The following MISP3 variants were observed in gnomAD, a reference collection of about 807,000 sequenced individuals.
The protein encoded by MISP3 is uncharacterized protein MISP3.
In MISP3, 9 loss-of-function variants were observed where a neutral mutation model predicts 5.5. That is an observed-to-expected ratio of 1.65 (90% CI 0.99 to 2.87). The LOEUF is 2.87. Among genes scored for constraint, MISP3 ranks in the 30% most tolerant of loss-of-function variants. The pLI is 0.00. For synonymous variants in MISP3, 87 were observed against 38.1 expected, an observed-to-expected ratio of 2.28 and a Z score of -4.73; for missense variants, 152 against 84.1, an observed-to-expected ratio of 1.81 and a Z score of -3.16.
rs1976661833 is a variant in MISP3, at chr19:14,074,706, G to T, written c.643G>T (p.Glu215Ter). Residue 215 changes from glutamate to a stop codon, truncating the protein, a stop_gained and splice_region_variant, in exon 3 of 3, where the codon GAG (glutamate) becomes TAG (stop). Coordinates refer to ENST00000587086, the MANE Select transcript of MISP3 (RefSeq NM_001291291.2). LOFTEE classifies it high-confidence loss of function. The surrounding 1 kb of genome is among the most constrained non-coding windows in gnomAD (Gnocchi z 4.4). ...RKVSENGLEQ[E>*]ERKP Reference sequence around the variant, plus strand: ...CTTCCTTCTGGTCCTCTGTCCCCAGGAGGAGCGCAAACCTTGAGGTTTGAA... The same window carrying T: ...CTTCCTTCTGGTCCTCTGTCCCCAGTAGGAGCGCAAACCTTGAGGTTTGAA... 1.4e-6 allele frequency: 1 copy of T among 702,486 alleles called. No individual in the cohort carries two copies. Among genetic ancestry groups the T allele is most frequent in the Non-Finnish European group, 2.6e-6 (1 of 384,540 alleles). 43.5% of individuals were successfully genotyped at this position (702,486 alleles called of 1,614,324 possible).
Position 14,074,529 on chromosome 19 carries a change from C to T in MISP3, c.642+66C>T, listed in dbSNP as rs1976657792. ...TCCCCCCACCCCTCCGGTGCCAGGA[C>T]GCTTGGTGGGGAAAAGTGCATCCTC... On this transcript the variant is annotated intron_variant, in intron 2 of 2. Transcript: ENST00000587086. This position sits in a 1 kb window ranked among gnomAD's most constrained non-coding sequence, Gnocchi z 4.4. 1.5e-6 allele frequency: 1 copy of T among 683,768 alleles called. No homozygotes were observed. The highest frequency in any genetic ancestry group is 1.8e-5 in the African/African-American group (1 of 56,766). 42.4% of individuals were successfully genotyped at this position (683,768 alleles called of 1,614,324 possible). A position where few individuals can be genotyped will look rare whatever the true frequency, so the allele number is the denominator to read the frequency against.
At position 14,073,577 on chromosome 19, in the gene MISP3, C is replaced by G. The variant is rs572316093; in HGVS notation, c.268C>G (p.Arg90Gly). The G allele has an allele frequency of 3.6e-3, 953 of 264,756 alleles. 1 individual carries two copies. Among genetic ancestry groups the G allele is most frequent in the Non-Finnish European group, 4.2e-3 (603 of 141,928 alleles). 16.4% of individuals were successfully genotyped at this position (264,756 alleles called of 1,614,324 possible). ...CCCCGCGGTCCCCGAGCCGCGCGCC[C>G]GGTCGCCGCCGCAGCCGCTGGGCGA... ...ARPAVPEPRA[R>G]SPPQPLGELK... Residue 90 changes from arginine to glycine, a missense_variant, in exon 1 of 3, where the codon CGG (arginine) becomes GGG (glycine). Transcript: ENST00000587086. This position sits in a 1 kb window ranked among gnomAD's most constrained non-coding sequence, Gnocchi z 8.5.
chr19:14,074,308 G>A lies in MISP3; in HGVS notation c.569-82G>A, dbSNP rs1236973790. ...TTTCATGGGGAGGCGGAGGGTGAACGCCTGTGTGTGTTTAAGGGGTGCGGC... is the reference window on the plus strand; with the variant it reads ...TTTCATGGGGAGGCGGAGGGTGAACACCTGTGTGTGTTTAAGGGGTGCGGC... On this transcript the variant is annotated intron_variant, in intron 1 of 2. Coordinates refer to ENST00000587086, the MANE Select transcript of MISP3 (RefSeq NM_001291291.2). This position sits in a 1 kb window ranked among gnomAD's most constrained non-coding sequence, Gnocchi z 4.4. 3 of 681,748 alleles carry A rather than the reference G, an allele frequency of 4.4e-6. No homozygotes were observed. The highest frequency in any genetic ancestry group is 5.3e-6 in the Non-Finnish European group (2 of 374,182). 42.2% of individuals were successfully genotyped at this position (681,748 alleles called of 1,614,324 possible).
chr19:14,075,031 C>T lies in MISP3; in HGVS notation c.*308C>T, dbSNP rs1976669283. 5.5e-6 allele frequency: 2 copies of T among 363,500 alleles called. No individual in the cohort carries two copies. The highest frequency in any genetic ancestry group is 1.0e-5 in the Non-Finnish European group (2 of 192,994). 22.5% of individuals were successfully genotyped at this position (363,500 alleles called of 1,614,324 possible). A position where few individuals can be genotyped will look rare whatever the true frequency, so the allele number is the denominator to read the frequency against. On this transcript the variant is annotated 3_prime_UTR_variant, in exon 3 of 3. Transcript: ENST00000587086. ...TACCGCCTCGATTGCCCCACTCCCC[C>T]CACCCCCAATAAAGCCTCTTCTTTC...
At position 14,073,414 on chromosome 19, in the gene MISP3, C is replaced by T; in HGVS notation, c.105C>T (p.Val35=). The stretch of plus-strand genomic sequence containing the variant: ...CGGGCCGCGCAGGCCGTGAACTCGT[C>T]GAGCTGCGCGTGCGGCCGGTGCTCA... ...LSPGRAGREL[V]ELRVRPVLNL... Residue 35 remains valine (V), a synonymous_variant, in exon 1 of 3, where the codon GTC becomes GTT. Transcript: ENST00000587086. This position sits in a 1 kb window ranked among gnomAD's most constrained non-coding sequence, Gnocchi z 8.5. 3 of 676,288 alleles carry T rather than the reference C, an allele frequency of 4.4e-6. No homozygotes were observed. The highest frequency in any genetic ancestry group is 8.0e-6 in the Non-Finnish European group (3 of 374,544). The allele number at this position is 676,288 out of a possible 1,614,324, so 41.9% of individuals were successfully genotyped here.
chr19:14,074,516 T>A lies in MISP3; in HGVS notation c.642+53T>A. 1 of 685,344 alleles carries A rather than the reference T, an allele frequency of 1.5e-6. No individual in the cohort carries two copies. The highest frequency in any genetic ancestry group is 2.7e-6 in the Non-Finnish European group (1 of 374,272). 42.5% of individuals were successfully genotyped at this position (685,344 alleles called of 1,614,324 possible). A position where few individuals can be genotyped will look rare whatever the true frequency, so the allele number is the denominator to read the frequency against. ...TAGCGCTTGTCGGTCCCCCCACCCCTCCGGTGCCAGGACGCTTGGTGGGGA... is the reference window on the plus strand; with the variant it reads ...TAGCGCTTGTCGGTCCCCCCACCCCACCGGTGCCAGGACGCTTGGTGGGGA... On this transcript the variant is annotated intron_variant, in intron 2 of 2. Transcript: ENST00000587086. The surrounding 1 kb of genome is among the most constrained non-coding windows in gnomAD (Gnocchi z 4.4).
rs762478898 is a variant in MISP3 at position 14,073,854 on chromosome 19, A to G, written c.545A>G (p.Lys182Arg). The G allele has an allele frequency of 3.4e-4, 240 of 701,618 alleles. No homozygotes were observed. The highest frequency in any genetic ancestry group is 4.9e-4 in the Non-Finnish European group (190 of 384,506). The allele number at this position is 701,618 out of a possible 1,614,324, so 43.5% of individuals were successfully genotyped here. A position where few individuals can be genotyped will look rare whatever the true frequency, so the allele number is the denominator to read the frequency against. ...RRSVYGTAEFKEPTPSLTASR... is the reference protein window; with the variant it reads ...RRSVYGTAEFREPTPSLTASR... Reference sequence around the variant, plus strand: ...AGCGTCTATGGCACCGCGGAGTTCAAGGAGCCTACGCCGAGCCTCACCGGT... The same window carrying G: ...AGCGTCTATGGCACCGCGGAGTTCAGGGAGCCTACGCCGAGCCTCACCGGT... The change falls in exon 1 of 3, where the codon AAG becomes AGG. Residue 182 changes from lysine to arginine, a missense_variant. Lys to Arg is a conservative substitution (Grantham distance 26). Coordinates refer to ENST00000587086, the MANE Select transcript of MISP3 (RefSeq NM_001291291.2). The surrounding 1 kb of genome is among the most constrained non-coding windows in gnomAD (Gnocchi z 8.5).
In MISP3 at chr19:14,074,566, A is replaced by G. The variant is rs1028559690; in HGVS notation, c.642+103A>G. 2.9e-6 allele frequency: 2 copies of G among 682,100 alleles called. No homozygotes were observed. The highest frequency in any genetic ancestry group is 3.0e-5 in the South Asian group (2 of 66,416). 42.3% of individuals were successfully genotyped at this position (682,100 alleles called of 1,614,324 possible). On this transcript the variant is annotated intron_variant, in intron 2 of 2. Transcript: ENST00000587086. This position sits in a 1 kb window ranked among gnomAD's most constrained non-coding sequence, Gnocchi z 4.4. ...AAAAGTGCATCCTCCCTGGAGGGCC[A>G]CTCTGGTCAGAACTCAGTCTGGGAC...
At position 14,074,757 on chromosome 19, in the gene MISP3, A is replaced by G; in HGVS notation, c.*34A>G. The G allele has an allele frequency of 2.9e-6, 2 of 701,190 alleles. No homozygotes were observed. Among genetic ancestry groups the G allele is most frequent in the Non-Finnish European group, 5.2e-6 (2 of 383,544 alleles). 43.4% of individuals were successfully genotyped at this position (701,190 alleles called of 1,614,324 possible). A position where few individuals can be genotyped will look rare whatever the true frequency, so the allele number is the denominator to read the frequency against. On this transcript the variant is annotated 3_prime_UTR_variant, in exon 3 of 3. Transcript: ENST00000587086. The surrounding 1 kb of genome is among the most constrained non-coding windows in gnomAD (Gnocchi z 4.4). ...AAGGCTGGGACCCCCGGCCGGAAGT[A>G]ACGTACGCGTCAGAGGAACAGGGCG...
In MISP3 at chr19:14,074,292, G is replaced by A. The variant is rs1028350779; in HGVS notation, c.569-98G>A. The stretch of plus-strand genomic sequence containing the variant: ...GGAGTTGAATGGAGGCTTTCATGGG[G>A]AGGCGGAGGGTGAACGCCTGTGTGT... On this transcript the variant is annotated intron_variant, in intron 1 of 2. Transcript: ENST00000587086. This position sits in a 1 kb window ranked among gnomAD's most constrained non-coding sequence, Gnocchi z 4.4. 1.5e-6 allele frequency: 1 copy of A among 653,396 alleles called. No individual in the cohort carries two copies. The highest frequency in any genetic ancestry group is 2.3e-5 in the Admixed American group (1 of 43,696). 40.5% of individuals were successfully genotyped at this position (653,396 alleles called of 1,614,324 possible).
In MISP3 at chr19:14,073,034, A is replaced by G. The variant is rs1184666191; in HGVS notation, c.-276A>G. ...CACCGAGGTCCCCAAGCCCTCCGCA[A>G]AGGACGTGGAGATCCTGGAGCAAGA... On this transcript the variant is annotated 5_prime_UTR_variant, in exon 1 of 3. Coordinates refer to ENST00000587086, the MANE Select transcript of MISP3 (RefSeq NM_001291291.2). The surrounding 1 kb of genome is among the most constrained non-coding windows in gnomAD (Gnocchi z 8.5). 1.8e-6 allele frequency: 1 copy of G among 541,794 alleles called. No homozygotes were observed. The highest frequency in any genetic ancestry group is 3.5e-6 in the Non-Finnish European group (1 of 282,600). The allele number at this position is 541,794 out of a possible 1,614,324, so 33.6% of individuals were successfully genotyped here.
rs1009204994 is a variant in MISP3, at chr19:14,074,501, C to T, written c.642+38C>T. 4 of 694,314 alleles carry T rather than the reference C, an allele frequency of 5.8e-6. No individual in the cohort carries two copies. The highest frequency in any genetic ancestry group is 1.8e-5 in the African/African-American group (1 of 57,030). 43.0% of individuals were successfully genotyped at this position (694,314 alleles called of 1,614,324 possible). A position where few individuals can be genotyped will look rare whatever the true frequency, so the allele number is the denominator to read the frequency against. ...TTACCCGTGTGCCTCTAGCGCTTGT[C>T]GGTCCCCCCACCCCTCCGGTGCCAG... is the stretch of plus-strand genomic sequence containing the variant. On this transcript the variant is annotated intron_variant, in intron 2 of 2. Coordinates refer to ENST00000587086, the MANE Select transcript of MISP3 (RefSeq NM_001291291.2). This position sits in a 1 kb window ranked among gnomAD's most constrained non-coding sequence, Gnocchi z 4.4.
chr19:14,074,641 C>T lies in MISP3; in HGVS notation c.643-65C>T. 1 of 696,266 alleles carries T rather than the reference C, an allele frequency of 1.4e-6. No individual in the cohort carries two copies. Among genetic ancestry groups the T allele is most frequent in the Non-Finnish European group, 2.6e-6 (1 of 379,470 alleles). The allele number at this position is 696,266 out of a possible 1,614,324, so 43.1% of individuals were successfully genotyped here. A position where few individuals can be genotyped will look rare whatever the true frequency, so the allele number is the denominator to read the frequency against. ...GGTGGTCTTGAGGCCCAAACCGCCA[C>T]CCCGAGCCTGGATGCAGTGCGCAGG... On this transcript the variant is annotated intron_variant, in intron 2 of 2. Transcript: ENST00000587086. The surrounding 1 kb of genome is among the most constrained non-coding windows in gnomAD (Gnocchi z 4.4).
At position 14,073,174 on chromosome 19, in the gene MISP3, G is replaced by T. The variant is rs532257760; in HGVS notation, c.-136G>T. 7.4e-6 allele frequency: 5 copies of T among 673,012 alleles called. No individual in the cohort carries two copies. The African/African-American group carries it at 8.9e-5, about 12-fold the overall frequency. 41.7% of individuals were successfully genotyped at this position (673,012 alleles called of 1,614,324 possible). A position where few individuals can be genotyped will look rare whatever the true frequency, so the allele number is the denominator to read the frequency against. On this transcript the variant is annotated 5_prime_UTR_variant, in exon 1 of 3. Coordinates refer to ENST00000587086, the MANE Select transcript of MISP3 (RefSeq NM_001291291.2). The surrounding 1 kb of genome is among the most constrained non-coding windows in gnomAD (Gnocchi z 8.5). ...GAGACGACCCTGGGCCGTCCGAAGC[G>T]CAAAGGGCGGAGGTCCAGGGGCAGC... is the stretch of plus-strand genomic sequence containing the variant.
rs1173079332 is a variant in MISP3, at chr19:14,074,851, C to T, written c.*128C>T. On this transcript the variant is annotated 3_prime_UTR_variant, in exon 3 of 3. Transcript: ENST00000587086. This position sits in a 1 kb window ranked among gnomAD's most constrained non-coding sequence, Gnocchi z 4.4. The stretch of plus-strand genomic sequence containing the variant: ...ATTGGGGAAGATGAAATCGACTTGC[C>T]TTTGTGAAATTGACCAGCCCCCTCT... 1.5e-5 allele frequency: 10 copies of T among 658,344 alleles called. No individual in the cohort carries two copies. The highest frequency in any genetic ancestry group is 2.5e-5 in the Non-Finnish European group (9 of 353,588). The allele number at this position is 658,344 out of a possible 1,614,324, so 40.8% of individuals were successfully genotyped here. A position where few individuals can be genotyped will look rare whatever the true frequency, so the allele number is the denominator to read the frequency against.
rs1186891041 is a variant in MISP3, at chr19:14,074,390, C to A, written c.569C>A (p.Ala190Glu). ...EFKEPTPSLT[A>E]SRGDGKLVVI... is the part of the protein sequence containing the mutation. ...GAGCTGAGCGCCCCTTCCCCCGCAGCGAGCAGGGGCGACGGAAAGTTGGTG... is the reference window on the plus strand; with the variant it reads ...GAGCTGAGCGCCCCTTCCCCCGCAGAGAGCAGGGGCGACGGAAAGTTGGTG... The change falls in exon 2 of 3, where the codon GCG (alanine) becomes GAG (glutamate). Residue 190 changes from alanine to glutamate, a missense_variant and splice_region_variant. Physicochemically the swap from Ala to Glu is moderately radical, Grantham distance 107. Transcript: ENST00000587086. This position sits in a 1 kb window ranked among gnomAD's most constrained non-coding sequence, Gnocchi z 4.4. 2.8e-6 allele frequency: 2 copies of A among 702,636 alleles called. No homozygotes were observed. Among genetic ancestry groups the A allele is most frequent in the East Asian group, 5.4e-5 (2 of 37,280 alleles). The allele number at this position is 702,636 out of a possible 1,614,324, so 43.5% of individuals were successfully genotyped here.
At position 14,073,123 on chromosome 19, in the gene MISP3, G is replaced by A. The variant is rs1166166707; in HGVS notation, c.-187G>A. On this transcript the variant is annotated 5_prime_UTR_variant, in exon 1 of 3. Coordinates refer to ENST00000587086, the MANE Select transcript of MISP3 (RefSeq NM_001291291.2). This position sits in a 1 kb window ranked among gnomAD's most constrained non-coding sequence, Gnocchi z 8.5. ...AGAGCCCCGGGCTGTCCACAGCTGCGGGCTTTGAGAGTCCTGAGCCAGGCA... is the reference window on the plus strand; with the variant it reads ...AGAGCCCCGGGCTGTCCACAGCTGCAGGCTTTGAGAGTCCTGAGCCAGGCA... 3.0e-6 allele frequency: 2 copies of A among 659,622 alleles called. No individual in the cohort carries two copies. The highest frequency in any genetic ancestry group is 1.8e-5 in the African/African-American group (1 of 55,720). 40.9% of individuals were successfully genotyped at this position (659,622 alleles called of 1,614,324 possible).
At position 14,073,826 on chromosome 19, in the gene MISP3, C is replaced by G; in HGVS notation, c.517C>G (p.Arg173Gly). 1.4e-6 allele frequency: 1 copy of G among 701,930 alleles called. No individual in the cohort carries two copies. Among genetic ancestry groups the G allele is most frequent in the Non-Finnish European group, 2.6e-6 (1 of 384,576 alleles). 43.5% of individuals were successfully genotyped at this position (701,930 alleles called of 1,614,324 possible). A position where few individuals can be genotyped will look rare whatever the true frequency, so the allele number is the denominator to read the frequency against. ...EREQELQRQRRSVYGTAEFKE... is the reference protein window; with the variant it reads ...EREQELQRQRGSVYGTAEFKE... ...CGAGCAGGAACTGCAGCGCCAGCGG[C>G]GCAGCGTCTATGGCACCGCGGAGTT... The change falls in exon 1 of 3, where the codon CGC becomes GGC. Residue 173 changes from arginine to glycine, a missense_variant. Arg to Gly is a moderately radical substitution (Grantham distance 125, BLOSUM62 -2). Coordinates refer to ENST00000587086, the MANE Select transcript of MISP3 (RefSeq NM_001291291.2). The surrounding 1 kb of genome is among the most constrained non-coding windows in gnomAD (Gnocchi z 8.5).
At position 14,074,289 on chromosome 19, in the gene MISP3, G is replaced by T; in HGVS notation, c.569-101G>T. On this transcript the variant is annotated intron_variant, in intron 1 of 2. Coordinates refer to ENST00000587086, the MANE Select transcript of MISP3 (RefSeq NM_001291291.2). This position sits in a 1 kb window ranked among gnomAD's most constrained non-coding sequence, Gnocchi z 4.4. ...CCTGGAGTTGAATGGAGGCTTTCAT[G>T]GGGAGGCGGAGGGTGAACGCCTGTG... The T allele has an allele frequency of 1.5e-6, 1 of 651,574 alleles. No individual in the cohort carries two copies. Among genetic ancestry groups the T allele is most frequent in the Non-Finnish European group, 2.8e-6 (1 of 357,672 alleles). The allele number at this position is 651,574 out of a possible 1,614,324, so 40.4% of individuals were successfully genotyped here.
Sources: gnomAD v4.1 joint callset for allele counts on GRCh38, gnomAD v4.1.1 for gene constraint, Gnocchi (gnomAD v3.1) non-coding constraint, MANE v1.5 for transcripts, NCBI Gene and HGNC (gene_info 2026-07-23, HGNC 2026-07-21) for gene names.